TRAPPC9: variants seen among roughly 807,000 people sequenced by gnomAD.
TRAPPC9 encodes the protein IKK2 binding protein.
Under a neutral mutation model 124.0 loss-of-function variants are expected in TRAPPC9, and 83 were observed. The ratio of observed to expected loss-of-function variants is 0.67; its 90% confidence interval spans 0.56 to 0.80. TRAPPC9 has a LOEUF of 0.80. Ranked by LOEUF, TRAPPC9 falls within the 30% of genes least tolerant of loss-of-function variation. The pLI is 0.00. For synonymous variants in TRAPPC9, 638 were observed against 617.5 expected (o/e 1.03, Z -0.49); for missense variants, 1,302 against 1,508.3 (o/e 0.86, Z 2.27).
intron 21 of TRAPPC9, among the ~76,000 whole-genome samples, chr8:139,877,201 A>T (rs559699172): frequency 6.6e-6 from 1 of 152,394 alleles, no homozygotes; most frequent in South Asian, 2.1e-4. Flanking sequence ...AAAGAGCTAT[A>T]AAGAGGAAAG....
At chr8:139,822,949 C>T (rs2130801326) in intron 21 of TRAPPC9, among the ~76,000 whole-genome samples, 1 of 152,132 alleles carries the variant, frequency 6.6e-6, no homozygotes, top group East Asian at 2.0e-4. Context: ...GGGCCCTCCC[C>T]TGGCTGGCAG....
intron 7 of TRAPPC9, among the ~76,000 whole-genome samples, chr8:140,391,959 G>GA (rs144661649): frequency 0.036 from 5,434 of 151,816 alleles, 210 homozygotes; most frequent in African/African-American, 0.097. Context: ...CCAAGAGGCA[G>GA]AAGTTGCAGT....
intron 19 of TRAPPC9, among the ~76,000 whole-genome samples, chr8:139,937,897 T>G (rs1341604132): frequency 1.3e-5 from 2 of 152,244 alleles, no homozygotes; most frequent in African/African-American, 2.4e-5. Context: ...CCGCTGTGGC[T>G]CAGGACGCCG....
intron 21 of TRAPPC9, among the ~76,000 whole-genome samples, chr8:139,813,861 G>A (rs1011555718): frequency 6.6e-6 from 1 of 152,038 alleles, no homozygotes; most frequent in South Asian, 2.1e-4. Context: ...TGACGGCACC[G>A]GGGGTGAGGT....
At position 140,321,452 on chromosome 8, in the gene TRAPPC9, A is replaced by C. The variant is rs117794417; in HGVS notation, c.1496-10078T>G. On this transcript the variant is annotated intron_variant, in intron 9 of 22. Transcript: ENST00000438773. ...CACCAGATGGCCTTTGCGCACTAAC[A>C]ATGAGAATGAGATGCATAAGCTGTA... 8.5e-3 allele frequency among the ~76,000 whole-genome samples: 1,292 copies of C among 152,312 alleles called. 13 individuals carry two copies. The highest frequency in any genetic ancestry group is 0.017 in the South Asian group (83 of 4,830).
At chr8:139,935,440 G>A (rs1833448612) in intron 19 of TRAPPC9, among the ~76,000 whole-genome samples, 1 of 152,120 alleles carries the variant, frequency 6.6e-6, no homozygotes, top group Admixed American at 6.5e-5. Context: ...GTTCTTACAG[G>A]AATTCAATGA....
chr8:140,157,974 T>C (rs901661362), intron 17 of TRAPPC9, among the ~76,000 whole-genome samples: 16 of 152,262 alleles, frequency 1.1e-4, no homozygotes, highest in African/African-American at 3.9e-4. Flanking sequence ...ATAGTCTTTC[T>C]AGACCTTTAT....
At chr8:140,388,668 C>G (rs1230553150) in intron 7 of TRAPPC9, among the ~76,000 whole-genome samples, 1 of 150,168 alleles carries the variant, frequency 6.7e-6, no homozygotes, top group Non-Finnish European at 1.5e-5. Flanking sequence ...GGTGACAGAG[C>G]AAGACTCCAT....
chr8:140,287,668 C>G lies in TRAPPC9; in HGVS notation c.1921G>C (p.Gly641Arg). 1 of 1,614,162 alleles carries G rather than the reference C, an allele frequency of 6.2e-7. No homozygotes were observed. Among genetic ancestry groups the G allele is most frequent in the Non-Finnish European group, 8.5e-7 (1 of 1,180,034 alleles). The change falls in exon 13 of 23, where the codon GGT becomes CGT. Residue 641 changes from glycine to arginine, a missense_variant. Physicochemically the swap from Gly to Arg is moderately radical, Grantham distance 125. Around this residue, in one of 3 missense-constraint regions of TRAPPC9, gnomAD observed 640 missense variants for 679.3 expected, o/e 0.94. Coordinates refer to ENST00000438773, the MANE Select transcript of TRAPPC9 (RefSeq NM_001160372.4). Reference protein sequence around the residue: ...PAALSLPAESGLYPVTLVGVP... With the variant: ...PAALSLPAESRLYPVTLVGVP... ...CCGACGAGCGTCACTGGGTACAGAC[C>G]AGATTCAGCCGGAAGAGAAAGCGCC... is the stretch of plus-strand genomic sequence containing the variant.
intron 5 of TRAPPC9, among the ~76,000 whole-genome samples, chr8:140,418,720 A>C (rs1161164076): frequency 3.4e-5 from 5 of 147,852 alleles, no homozygotes; most frequent in Non-Finnish European, 7.4e-5. Flanking sequence ...ACTCCATCTC[A>C]AAAAGATAGA....
intron 17 of TRAPPC9, among the ~76,000 whole-genome samples, chr8:140,107,393 C>T (rs926637820): frequency 1.3e-5 from 2 of 152,178 alleles, no homozygotes; most frequent in Non-Finnish European, 2.9e-5. Flanking sequence ...GTGCTTTATG[C>T]TAAGACCAGA....
chr8:139,976,086 T>C (rs543594251), intron 19 of TRAPPC9, among the ~76,000 whole-genome samples: 1 of 151,858 alleles, frequency 6.6e-6, no homozygotes, highest in African/African-American at 2.4e-5. Context: ...ACAGACGGGG[T>C]TCCACTGTGT....
Position 140,449,962 on chromosome 8 carries a change from AAAGT to A in TRAPPC9, c.584+824_584+827del, listed in dbSNP as rs916925377. Among the ~76,000 whole-genome samples, 9 of 152,388 alleles carry A rather than the reference AAAGT, an allele frequency of 5.9e-5. No individual in the cohort carries two copies. In the South Asian group the frequency reaches 1.4e-3, roughly 25 times the overall value. Reference sequence around the variant, plus strand: ...TCAGTTTCTAGTTGCCACATTTTTAAAAGTAAGAATGAAACAGTTGATACTGATT... The same window carrying A: ...TCAGTTTCTAGTTGCCACATTTTTAAAAGAATGAAACAGTTGATACTGATT... On this transcript the variant is annotated intron_variant, in intron 2 of 22. Coordinates refer to ENST00000438773, the MANE Select transcript of TRAPPC9 (RefSeq NM_001160372.4).
At chr8:140,333,985 C>T (rs919374122) in intron 9 of TRAPPC9, among the ~76,000 whole-genome samples, 2 of 152,126 alleles carry the variant, frequency 1.3e-5, no homozygotes, top group African/African-American at 4.8e-5. Context: ...TTTACATATG[C>T]CTTACTAAAT....
intron 20 of TRAPPC9, among the ~76,000 whole-genome samples, chr8:139,889,812 C>A (rs1587109778): frequency 1.3e-5 from 2 of 152,180 alleles, no homozygotes; most frequent in Non-Finnish European, 1.5e-5. Flanking sequence ...ACAAGGACAG[C>A]CCCCCTGCGG....
At chr8:140,125,586 T>C (rs1246097274) in intron 17 of TRAPPC9, among the ~76,000 whole-genome samples, 1 of 140,014 alleles carries the variant, frequency 7.1e-6, no homozygotes, top group Non-Finnish European at 1.5e-5. Flanking sequence ...CGAATCTCAT[T>C]CTTTTTTTTT....
chr8:140,129,723 G>A (rs2061169944), intron 17 of TRAPPC9, among the ~76,000 whole-genome samples: 1 of 152,156 alleles, frequency 6.6e-6, no homozygotes, highest in Admixed American at 6.5e-5. Flanking sequence ...CAAGAGAAAA[G>A]GGAGTTACAA....
chr8:140,446,945 T>C (rs1351225796), intron 2 of TRAPPC9, among the ~76,000 whole-genome samples: 1 of 152,028 alleles, frequency 6.6e-6, no homozygotes, highest in Non-Finnish European at 1.5e-5. Context: ...AGCCGCACCC[T>C]CCCGCAGCTC....
intron 21 of TRAPPC9, among the ~76,000 whole-genome samples, chr8:139,862,051 C>T (rs1275100613): frequency 6.6e-6 from 1 of 152,238 alleles, no homozygotes; most frequent in Non-Finnish European, 1.5e-5. Flanking sequence ...TAGGCAGATA[C>T]AATGTGTACA....
Sources: allele counts gnomAD v4.1 joint callset (sites outside exome capture counted in the v4.1 genomes callset), GRCh38; gene constraint gnomAD v4.1.1; regional missense constraint gnomAD v4.1.1; transcripts MANE v1.5; gene names NCBI Gene and HGNC (gene_info 2026-07-23, HGNC 2026-07-21).